Variants in CSAD observed in about 807,000 individuals in gnomAD.
The protein encoded by CSAD is P-selectin cytoplasmic tail-associated protein.
Under a neutral mutation model 61.5 loss-of-function variants are expected in CSAD, and 47 were observed. The ratio of observed to expected loss-of-function variants is 0.76; its 90% CI spans 0.60 to 0.97. The LOEUF (loss-of-function observed/expected upper bound fraction) is 0.97, where lower values mean the gene tolerates loss of function less well. Among genes scored for constraint, CSAD ranks in the 50% least tolerant of loss-of-function variants. The probability of loss-of-function intolerance (pLI) is 0.00; values close to 1 mark genes in which losing one functional copy is unlikely to be tolerated. For synonymous variants in CSAD, 245 were observed against 252.7 expected (o/e 0.97, Z 0.29); for missense variants, 611 against 643.6 (o/e 0.95, Z 0.55).
At chr12:53,173,944 C>T (rs576169683) in intron 2 of CSAD, 174 bp from the exon 3 acceptor site, 2 of 635,766 alleles carry the variant, frequency 3.1e-6, no homozygotes, top group East Asian at 2.8e-5. Context: ...TCCCCTTCCC[C>T]GACCCCTGGC....
intron 2 of CSAD, among the ~76,000 whole-genome samples, chr12:53,177,343 A>T (rs1030414701): frequency 3.3e-5 from 5 of 152,216 alleles, no homozygotes; most frequent in Non-Finnish European, 2.9e-5. Context: ...TTTGTCTCAA[A>T]AGCTGAAAGA....
intron 10 of CSAD, chr12:53,166,194 G>T (rs1038989066): frequency 2.6e-5 from 4 of 152,126 alleles, no homozygotes; most frequent in African/African-American, 9.7e-5. Context: ...GCTGGGCATG[G>T]TGGTGCGCAC....
chr12:53,163,206 G>A (rs1337159516), intron 10 of CSAD, among the ~76,000 whole-genome samples: 3 of 152,102 alleles, frequency 2.0e-5, no homozygotes, highest in Non-Finnish European at 4.4e-5. Flanking sequence ...CTGCTCTACA[G>A]CCTGGTCAAC....
chr12:53,175,940 G>A (rs1640537769), intron 2 of CSAD, among the ~76,000 whole-genome samples: 1 of 152,152 alleles, frequency 6.6e-6, no homozygotes, highest in African/African-American at 2.4e-5. Context: ...AATTACAAAG[G>A]TGACATGGGA....
upstream of CSAD, chr12:53,180,932 GGGAGGGGA>G: frequency 1.9e-6 from 2 of 1,057,988 alleles, no homozygotes; most frequent in Non-Finnish European, 2.3e-6. Flanking sequence ...GAAGGGGGAG[GGGAGGGGA>G]GGAGGGGCGC....
chr12:53,174,160 C>T (rs1243317746), intron 2 of CSAD, among the ~76,000 whole-genome samples: 1 of 151,686 alleles, frequency 6.6e-6, no homozygotes, highest in Non-Finnish European at 1.5e-5. Flanking sequence ...AAAAATTAGC[C>T]GGGTGTGGTG....
chr12:53,160,313 G>A lies in CSAD; in HGVS notation c.973C>T (p.Leu325Phe). The change falls in exon 14 of 17, where the codon CTC becomes TTC. Residue 325 changes from leucine (L) to phenylalanine (F), a missense_variant. Leu to Phe is a conservative substitution (Grantham distance 22, BLOSUM62 0). Transcript: ENST00000444623. ...GCCTGGGACCCATGGCAGCGCTTGA[G>A]CAGGTTCTGTGTGGGGGTGAGGAGA... ...ALLLQDTSNL[L>F]KRCHGSQASY... 2 of 1,614,178 alleles carry A rather than the reference G, an allele frequency of 1.2e-6. No individual in the cohort carries two copies. Among genetic ancestry groups the A allele is most frequent in the Non-Finnish European group, 1.7e-6 (2 of 1,180,038 alleles).
chr12:53,172,037 C>T, intron 6 of CSAD, 49 bp from the exon 7 acceptor site: 1 of 1,362,886 alleles, frequency 7.3e-7, no homozygotes, highest in Non-Finnish European at 1.0e-6. Flanking sequence ...AGGGACTGCC[C>T]AGACAGGCCC....
rs188443289 is a variant in CSAD, at chr12:53,173,780, G to A, written c.-49-10C>T. On this transcript the variant is annotated splice_polypyrimidine_tract_variant and intron_variant, in intron 2 of 16. Coordinates refer to ENST00000444623, the MANE Select transcript of CSAD (RefSeq NM_001244705.2). ...GGTGCACAGGTAGCTCCTCAGGACA[G>A]CAGGACCAAGATGGCAGAGGAAGTG... 47 of 1,613,142 alleles carry A rather than the reference G, an allele frequency of 2.9e-5. No homozygotes were observed. In the African/African-American group the frequency reaches 5.9e-4, roughly 20 times the overall value.
At chr12:53,170,251 G>T (rs1209026912) in intron 9 of CSAD, 125 bp from the exon 10 acceptor site, 2 of 1,026,214 alleles carry the variant, frequency 1.9e-6, no homozygotes, top group Non-Finnish European at 1.5e-6. Flanking sequence ...CAGATCTCAG[G>T]GCAGAGGTGG....
intron 10 of CSAD, among the ~76,000 whole-genome samples, chr12:53,167,291 C>T (rs1168415686): frequency 6.6e-6 from 1 of 152,128 alleles, no homozygotes; most frequent in Non-Finnish European, 1.5e-5. Flanking sequence ...AGAAATATCC[C>T]GTGGCCTCTG....
Position 53,160,134 on chromosome 12 carries a change from G to A in CSAD, c.1152C>T (p.Ala384=). 3 of 1,613,436 alleles carry A rather than the reference G, an allele frequency of 1.9e-6. No individual in the cohort carries two copies. The highest frequency in any genetic ancestry group is 2.5e-6 in the Non-Finnish European group (3 of 1,180,028). Residue 384 remains alanine (A), a synonymous_variant, in exon 14 of 17, where the codon GCC becomes GCT. Transcript: ENST00000444623. ...DQGLERRIDQ[A]FVLARYLVEE... Reference sequence around the variant, plus strand: ...CTCCCGCCTACCGGGCAAGGACAAAGGCCTGGTCGATGCGCCGCTCCAGCC... The same window carrying A: ...CTCCCGCCTACCGGGCAAGGACAAAAGCCTGGTCGATGCGCCGCTCCAGCC...
At chr12:53,174,766 T>C (rs1410527949) in intron 2 of CSAD, among the ~76,000 whole-genome samples, 1 of 152,184 alleles carries the variant, frequency 6.6e-6, no homozygotes, top group African/African-American at 2.4e-5. Context: ...CACTCCAGCC[T>C]GGGCGACAGA....
intron 2 of CSAD, among the ~76,000 whole-genome samples, chr12:53,177,522 A>C (rs150648886): frequency 5.3e-5 from 8 of 152,342 alleles, no homozygotes; most frequent in African/African-American, 1.9e-4. Flanking sequence ...ATGGTCAAAG[A>C]GCAATAAAAT....
intron 10 of CSAD, among the ~76,000 whole-genome samples, chr12:53,165,405 G>A (rs7977797): frequency 1 from 151,387 of 151,486 alleles, 75,644 homozygotes; most frequent in Middle Eastern, 1. Flanking sequence ...TCACGCCTGT[G>A]ATCCCAGCAC....
chr12:53,172,403 C>G lies in CSAD; in HGVS notation c.287G>C (p.Gly96Ala). 6.2e-7 allele frequency: 1 copy of G among 1,614,094 alleles called. No homozygotes were observed. Among genetic ancestry groups the G allele is most frequent in the South Asian group, 1.1e-5 (1 of 91,082 alleles). The change falls in exon 6 of 17, where the codon GGG (glycine) becomes GCG (alanine). Residue 96 changes from glycine (G) to alanine (A), a missense_variant. By Grantham distance (60) the Gly-to-Ala change is moderately conservative (BLOSUM62 0). Transcript: ENST00000444623. Reference sequence around the variant, plus strand: ...CCCGGCCAGAGCATGGGGATCCAACCCAGAGAAGAGCTGGTTGAAGAACCG... The same window carrying G: ...CCCGGCCAGAGCATGGGGATCCAACGCAGAGAAGAGCTGGTTGAAGAACCG... ...HPRFFNQLFS[G>A]LDPHALAGRI...
At chr12:53,165,940 T>C (rs1298810584) in intron 10 of CSAD, among the ~76,000 whole-genome samples, 1 of 152,166 alleles carries the variant, frequency 6.6e-6, no homozygotes, top group Non-Finnish European at 1.5e-5. Context: ...ATATGTACAA[T>C]GAAATATTAT....
At position 53,170,150 on chromosome 12, in the gene CSAD, A is replaced by G. The variant is rs146549996; in HGVS notation, c.648-24T>C. ...CTCTGAAAAAGAAAATGCAGAGGGTAGAGCAGGGACAGGTTCTCTGTTGAA... is the reference window on the plus strand; with the variant it reads ...CTCTGAAAAAGAAAATGCAGAGGGTGGAGCAGGGACAGGTTCTCTGTTGAA... On this transcript the variant is annotated intron_variant, in intron 9 of 16. Coordinates refer to ENST00000444623, the MANE Select transcript of CSAD (RefSeq NM_001244705.2). 8.0e-5 allele frequency: 128 copies of G among 1,609,858 alleles called. No homozygotes were observed. In the East Asian group the frequency reaches 2.8e-3, roughly 35 times the overall value.
chr12:53,170,045 T>A (rs1373835920), intron 10 of CSAD, 27 bp downstream of exon 10: 2 of 1,606,050 alleles, frequency 1.2e-6, no homozygotes, highest in African/African-American at 2.7e-5. Flanking sequence ...GGAGGCTATA[T>A]CACCCCAGCG....
Sources: gnomAD v4.1 joint callset for allele counts (sites outside exome capture counted in the v4.1 genomes callset) on GRCh38, gnomAD v4.1.1 for gene constraint, MANE v1.5 for transcripts, NCBI Gene and HGNC (gene_info 2026-07-23, HGNC 2026-07-21) for gene names.